Variants in G6PD observed in about 807,000 individuals in gnomAD.
G6PD encodes the protein glucose-6-phosphate dehydrogenase.
G6PD carries 2 observed loss-of-function variants against 38.2 expected under a neutral mutation model. The observed-to-expected ratio is 0.05, with a 90% CI of 0.02 to 0.16. G6PD has a LOEUF of 0.16. Ranked by LOEUF, G6PD falls within the 10% of genes least tolerant of loss-of-function variation. The pLI, the probability that G6PD is intolerant of heterozygous loss-of-function variation, is 1.00. For missense variants in G6PD, 310 were observed against 471.6 expected, an observed-to-expected ratio of 0.66 and a Z score of 3.17; for synonymous variants, 188 against 196.0, an observed-to-expected ratio of 0.96 and a Z score of 0.34.
chrX:154,539,286 C>T (rs948858855), intron 2 of G6PD, among the ~76,000 whole-genome samples: 3 of 111,947 alleles, frequency 2.7e-5, no homozygotes, highest in East Asian at 2.8e-4. Flanking sequence ...ACATGTGACC[C>T]GGCAAACTGT....
At chrX:154,542,592 G>A in intron 2 of G6PD, 2 of 842,947 alleles carry the variant, frequency 2.4e-6, no homozygotes, top group East Asian at 3.9e-5. Context: ...AAGCTGGCCA[G>A]GGAGGAGGAA....
At chrX:154,539,518 G>A (rs1404340300) in intron 2 of G6PD, among the ~76,000 whole-genome samples, 2 of 111,110 alleles carry the variant, frequency 1.8e-5, no homozygotes, top group Non-Finnish European at 3.8e-5. Flanking sequence ...AAGACGGCGA[G>A]AAAACCAACA....
upstream of G6PD, chrX:154,547,367 C>T: frequency 1.3e-6 from 1 of 755,073 alleles, no homozygotes; most frequent in Non-Finnish European, 1.6e-6. Context: ...CCGGAGAGGG[C>T]GGGGCGGCCG....
At chrX:154,533,766 C>G in intron 7 of G6PD, 97 bp from the exon 8 acceptor site, 1 of 1,185,976 alleles carries the variant, frequency 8.4e-7, no homozygotes, top group Non-Finnish European at 1.1e-6. Flanking sequence ...TAGTGACAAG[C>G]TGCAAGACTC....
At position 154,546,017 on chromosome X, in the gene G6PD, G is replaced by T; in HGVS notation, c.120+19C>A. ...AGGCACTTCCTGGCTTTTAAGATTG[G>T]GGCCTGGGAGATACTCACCGATGCA... On this transcript the variant is annotated intron_variant, in intron 2 of 12. Transcript: ENST00000393562. 8.3e-7 allele frequency: 1 copy of T among 1,209,058 alleles called. No homozygotes were observed.
At chrX:154,535,611 G>A in intron 4 of G6PD, 1 of 457,582 alleles carries the variant, frequency 2.2e-6, no homozygotes, top group Non-Finnish European at 3.8e-6. Context: ...CCCCAGGCTG[G>A]GACCCCTGTG....
At chrX:154,542,176 T>C (rs2070527678) in intron 2 of G6PD, 1 of 576,298 alleles carries the variant, frequency 1.7e-6, no homozygotes, top group Non-Finnish European at 2.8e-6. Flanking sequence ...AGCCCAGAAA[T>C]GTTCTGAGGA....
rs1233224913 is a variant in G6PD at position 154,531,917 on chromosome X, A to G, written c.*83T>C. Reference sequence around the variant, plus strand: ...GGCCAGGAATGTGCAGCTGAGGTCAATGGTCCCGGAGTCCTCCCGACTCGG... The same window carrying G: ...GGCCAGGAATGTGCAGCTGAGGTCAGTGGTCCCGGAGTCCTCCCGACTCGG... On this transcript the variant is annotated 3_prime_UTR_variant, in exon 13 of 13. Coordinates refer to ENST00000393562, the MANE Select transcript of G6PD (RefSeq NM_001360016.2). 2.7e-6 allele frequency: 3 copies of G among 1,104,694 alleles called. No individual in the cohort carries two copies. The highest frequency in any genetic ancestry group is 2.5e-4 in the Middle Eastern group (1 of 3,928). The allele number at this position is 1,104,694 out of a possible 1,213,427, so 91.0% of individuals were successfully genotyped here.
At chrX:154,535,743 C>A (rs2070400092) in intron 4 of G6PD, 194 bp downstream of exon 4, 4 of 480,726 alleles carry the variant, frequency 8.3e-6, no homozygotes, top group Admixed American at 5.9e-5. Context: ...CAGAGCACAG[C>A]AGGAGGGGAC....
rs782293006 is a variant in G6PD at position 154,536,075 on chromosome X, C to T, written c.159-30G>A. On this transcript the variant is annotated intron_variant, in intron 3 of 12. Coordinates refer to ENST00000393562, the MANE Select transcript of G6PD (RefSeq NM_001360016.2). ...GGGCAGGGCACAGCTGTAACCAGTGCGGGCAGGGCAGGACCAGGCCTGTCC... is the reference window on the plus strand; with the variant it reads ...GGGCAGGGCACAGCTGTAACCAGTGTGGGCAGGGCAGGACCAGGCCTGTCC... 15 of 1,203,650 alleles carry T rather than the reference C, an allele frequency of 1.2e-5. No homozygotes were observed. The Admixed American group carries it at 1.7e-4, about 14-fold the overall frequency.
At chrX:154,537,768 A>T (rs930036647) in intron 2 of G6PD, among the ~76,000 whole-genome samples, 2 of 112,107 alleles carry the variant, frequency 1.8e-5, no homozygotes, top group African/African-American at 6.5e-5. Flanking sequence ...CTCTTCCTGC[A>T]GAAGGAAGAA....
At chrX:154,542,974 G>A (rs1557232331) in intron 2 of G6PD, among the ~76,000 whole-genome samples, 1 of 112,039 alleles carries the variant, frequency 8.9e-6, no homozygotes, top group African/African-American at 3.3e-5. Flanking sequence ...CTCAATGAAC[G>A]GAGAATGGGC....
At chrX:154,538,791 G>C (rs2070439981) in intron 2 of G6PD, among the ~76,000 whole-genome samples, 1 of 110,603 alleles carries the variant, frequency 9.0e-6, no homozygotes, top group Non-Finnish European at 1.9e-5. Context: ...GCTGAACATG[G>C]TGGTGTATGC....
In G6PD at chrX:154,546,778, C is replaced by A. The variant is rs1223111416; in HGVS notation, c.-9+11G>T. The A allele has an allele frequency of 8.7e-6, 10 of 1,153,264 alleles. No individual in the cohort carries two copies. Among genetic ancestry groups the A allele is most frequent in the African/African-American group, 3.6e-5 (2 of 55,628 alleles). On this transcript the variant is annotated intron_variant, in intron 1 of 12. Transcript: ENST00000393562. ...CTCCTCCGCCTGCGCGGCGCCCGCC[C>A]GGCCGGTTACCTGCGCTTCGTCGTC...
chrX:154,541,723 C>T (rs182430353), intron 2 of G6PD, among the ~76,000 whole-genome samples: 7 of 112,551 alleles, frequency 6.2e-5, no homozygotes, highest in African/African-American at 2.3e-4. Flanking sequence ...TGCCCAAGGA[C>T]ACAAGGTGAC....
intron 4 of G6PD, among the ~76,000 whole-genome samples, 188 bp from the exon 5 acceptor site, chrX:154,535,573 G>C (rs2070398541): frequency 8.9e-6 from 1 of 112,470 alleles, no homozygotes. Context: ...CAGAGGGAGG[G>C]AGGCCAAAGC....
intron 2 of G6PD, among the ~76,000 whole-genome samples, chrX:154,544,223 G>A (rs1294755570): frequency 9.3e-6 from 1 of 107,818 alleles, no homozygotes; most frequent in Non-Finnish European, 1.9e-5. Context: ...GTGCAGTGGC[G>A]CGATCTCAGC....
chrX:154,542,397 G>A (rs1557232173), intron 2 of G6PD: 1 of 1,205,950 alleles, frequency 8.3e-7, no homozygotes, highest in Non-Finnish European at 1.1e-6. Flanking sequence ...GGTGGGGAAA[G>A]ATGCTGTTCC....
Position 154,531,891 on chromosome X carries a change from G to C in G6PD, c.*109C>G. 5.3e-6 allele frequency: 6 copies of C among 1,123,353 alleles called. No homozygotes were observed. The highest frequency in any genetic ancestry group is 4.8e-6 in the Non-Finnish European group (4 of 841,518). 92.6% of individuals were successfully genotyped at this position (1,123,353 alleles called of 1,213,427 possible). A position where few individuals can be genotyped will look rare whatever the true frequency, so the allele number is the denominator to read the frequency against. On this transcript the variant is annotated 3_prime_UTR_variant, in exon 13 of 13. Coordinates refer to ENST00000393562, the MANE Select transcript of G6PD (RefSeq NM_001360016.2). ...GGCGGGCCAGGGTGGCCAGAGCCCG[G>C]GGCCAGGAATGTGCAGCTGAGGTCA...
Sources: gnomAD v4.1 joint callset for allele counts (sites outside exome capture counted in the v4.1 genomes callset) on GRCh38, gnomAD v4.1.1 for gene constraint, MANE v1.5 for transcripts, NCBI Gene and HGNC (gene_info 2026-07-23, HGNC 2026-07-21) for gene names.